Variants in SORCS3 observed in about 807,000 individuals in gnomAD.
SORCS3 encodes the protein sortilin related VPS10 domain containing receptor 3.
In SORCS3, 57 loss-of-function variants were observed where a neutral mutation model predicts 146.3. The observed-to-expected ratio is 0.39, with a 90% CI of 0.31 to 0.49. The LOEUF is 0.49. SORCS3 is among the 20% of genes least tolerant of loss of function. SORCS3 has a pLI of 0.92. For synonymous variants in SORCS3, 653 were observed against 618.5 expected (o/e 1.06, Z -0.83); for missense variants, 1,341 against 1,575.5 (o/e 0.85, Z 2.52).
At chr10:105,051,561 G>A (rs2055413194) in intron 5 of SORCS3, among the ~76,000 whole-genome samples, 1 of 152,092 alleles carries the variant, frequency 6.6e-6, no homozygotes, top group South Asian at 2.1e-4. Context: ...TATTATCCAT[G>A]ACAGAGCCAG....
chr10:105,223,724 C>A (rs1233745163), intron 20 of SORCS3, among the ~76,000 whole-genome samples: 1 of 152,192 alleles, frequency 6.6e-6, no homozygotes, highest in Admixed American at 6.5e-5. Context: ...TCTTTTCAGG[C>A]AAGGTGCTGA....
chr10:105,127,442 C>G (rs1199656248), intron 7 of SORCS3, among the ~76,000 whole-genome samples: 1 of 152,046 alleles, frequency 6.6e-6, no homozygotes, highest in East Asian at 1.9e-4. Context: ...TTAAGTCTTA[C>G]CTTTTAGTAC....
rs142205331 is a variant in SORCS3, at chr10:104,870,621, A to G, written c.695+27762A>G. ...CTGAGGACAGCAAAGAACAAAGGGC[A>G]TGTATCTGCGAGGGTAGACCTCAGG... On this transcript the variant is annotated intron_variant, in intron 2 of 26. Transcript: ENST00000369701. Among the ~76,000 whole-genome samples, 1,270 of 152,314 alleles carry G rather than the reference A, an allele frequency of 8.3e-3. 10 individuals carry two copies. The highest frequency in any genetic ancestry group is 0.013 in the Non-Finnish European group (858 of 68,022).
chr10:104,897,422 A>T (rs1467922701), intron 2 of SORCS3, among the ~76,000 whole-genome samples: 1 of 152,202 alleles, frequency 6.6e-6, no homozygotes, highest in Non-Finnish European at 1.5e-5. Flanking sequence ...ACGAGATGGG[A>T]GGCTTCTTGC....
At chr10:104,966,570 C>T (rs1312548584) in intron 3 of SORCS3, among the ~76,000 whole-genome samples, 1 of 152,090 alleles carries the variant, frequency 6.6e-6, no homozygotes, top group Non-Finnish European at 1.5e-5. Flanking sequence ...GAGTGTTTTC[C>T]TTGACTTTCT....
intron 14 of SORCS3, among the ~76,000 whole-genome samples, chr10:105,190,262 C>A (rs1300260706): frequency 6.6e-6 from 1 of 152,188 alleles, no homozygotes; most frequent in African/African-American, 2.4e-5. Context: ...GCTGTGTAAC[C>A]TTGTCAGATG....
At chr10:105,158,403 C>T (rs1564770030) in intron 10 of SORCS3, among the ~76,000 whole-genome samples, 1 of 152,038 alleles carries the variant, frequency 6.6e-6, no homozygotes, top group Non-Finnish European at 1.5e-5. Flanking sequence ...TAAGTAAGAA[C>T]AAAATATATA....
At chr10:104,891,647 T>G (rs2133583432) in intron 2 of SORCS3, among the ~76,000 whole-genome samples, 1 of 152,302 alleles carries the variant, frequency 6.6e-6, no homozygotes, top group South Asian at 2.1e-4. Context: ...TTATATGTTT[T>G]ATTAGTTCTT....
chr10:104,896,579 A>G (rs2018801126), intron 2 of SORCS3, among the ~76,000 whole-genome samples: 1 of 152,260 alleles, frequency 6.6e-6, no homozygotes, highest in South Asian at 2.1e-4. Flanking sequence ...GAGAGACCAC[A>G]GTAGGGATGG....
chr10:105,038,294 A>G (rs1455370565), intron 4 of SORCS3, among the ~76,000 whole-genome samples: 1 of 152,218 alleles, frequency 6.6e-6, no homozygotes, highest in African/African-American at 2.4e-5. Flanking sequence ...TTAATGTTGC[A>G]TGAAACATGT....
chr10:104,805,906 T>A (rs1401609070), intron 1 of SORCS3, among the ~76,000 whole-genome samples: 1 of 151,194 alleles, frequency 6.6e-6, no homozygotes, highest in African/African-American at 2.5e-5. Flanking sequence ...TCTTTTTCTC[T>A]CTTGCGTGTG....
chr10:105,076,150 A>T (rs748896679), intron 5 of SORCS3, among the ~76,000 whole-genome samples: 1 of 152,148 alleles, frequency 6.6e-6, no homozygotes, highest in Non-Finnish European at 1.5e-5. Flanking sequence ...TTTGATTGTT[A>T]TATCAATTTG....
At chr10:104,897,359 C>G (rs56693513) in intron 2 of SORCS3, among the ~76,000 whole-genome samples, 1 of 151,958 alleles carries the variant, frequency 6.6e-6, no homozygotes, top group Non-Finnish European at 1.5e-5. Flanking sequence ...CCCAAAGGAA[C>G]GAATATTTAA....
At chr10:104,932,083 C>T (rs923458173) in intron 3 of SORCS3, among the ~76,000 whole-genome samples, 1 of 152,176 alleles carries the variant, frequency 6.6e-6, no homozygotes, top group Non-Finnish European at 1.5e-5. Context: ...TCTCAGCCGC[C>T]CTGCCTTGAT....
chr10:104,704,153 A>G (rs2016310738), intron 1 of SORCS3, among the ~76,000 whole-genome samples: 1 of 147,068 alleles, frequency 6.8e-6, no homozygotes, highest in Non-Finnish European at 1.5e-5. Context: ...TAGCTCATCC[A>G]AGTTTCCTTC....
intron 1 of SORCS3, among the ~76,000 whole-genome samples, chr10:104,696,762 TA>T (rs2016220983): frequency 8.3e-6 from 1 of 120,452 alleles, no homozygotes; most frequent in African/African-American, 3.2e-5. Flanking sequence ...GTATATATAA[TA>T]TATATAATAT....
At chr10:105,043,997 A>C (rs908326765) in intron 5 of SORCS3, among the ~76,000 whole-genome samples, 2 of 152,148 alleles carry the variant, frequency 1.3e-5, no homozygotes, top group African/African-American at 4.8e-5. Flanking sequence ...TCATTTTAGC[A>C]GAAGTGATGG....
chr10:105,118,145 C>T (rs1352979159), intron 7 of SORCS3, among the ~76,000 whole-genome samples: 6 of 152,098 alleles, frequency 3.9e-5, no homozygotes, highest in Non-Finnish European at 7.4e-5. Context: ...CCCAGTGTGT[C>T]GTGGGAGGGA....
At chr10:105,083,579 A>T (rs1484832228) in intron 5 of SORCS3, among the ~76,000 whole-genome samples, 1 of 151,902 alleles carries the variant, frequency 6.6e-6, no homozygotes, top group Non-Finnish European at 1.5e-5. Flanking sequence ...ATCATCACAG[A>T]CCTCAAAAAA....
Sources: gnomAD v4.1 joint callset for allele counts (sites outside exome capture counted in the v4.1 genomes callset) on GRCh38, gnomAD v4.1.1 for gene constraint, MANE v1.5 for transcripts, NCBI Gene and HGNC (gene_info 2026-07-23, HGNC 2026-07-21) for gene names.